LTBP1: variants seen among roughly 807,000 people sequenced by gnomAD.
LTBP1 encodes latent transforming growth factor beta binding protein 1, also known as latent-transforming growth factor beta-binding protein 1.
In LTBP1, 129 loss-of-function variants were observed where a neutral mutation model predicts 207.6. That is an observed-to-expected ratio of 0.62 (90% CI 0.54 to 0.72). The LOEUF (loss-of-function observed/expected upper bound fraction) is 0.72. Among genes scored for constraint, LTBP1 ranks in the 30% least tolerant of loss-of-function variants. The pLI is 0.00. For synonymous variants in LTBP1, 963 were observed against 833.7 expected, an observed-to-expected ratio of 1.16 and a Z score of -2.67; for missense variants, 2,281 against 2,217.2, an observed-to-expected ratio of 1.03 and a Z score of -0.58.
At chr2:32,963,533 C>T (rs1174467771) in intron 2 of LTBP1, among the ~76,000 whole-genome samples, 1 of 152,134 alleles carries the variant, frequency 6.6e-6, no homozygotes, top group Admixed American at 6.5e-5. Context: ...AATACACATT[C>T]TATACTGTAT....
rs149206532 is a variant in LTBP1 at position 33,268,925 on chromosome 2, A to T, written c.2618-4731A>T. On this transcript the variant is annotated intron_variant, in intron 15 of 33. Coordinates refer to ENST00000404816, the MANE Select transcript of LTBP1 (RefSeq NM_206943.4). ...CCTCTGTAATTATCATGGCCCAGAC[A>T]TTTAAAAAAACTATTTGCTCATCAG... 1.4e-3 allele frequency among the ~76,000 whole-genome samples: 209 copies of T among 152,324 alleles called. 2 individuals carry two copies. The highest frequency in any genetic ancestry group is 4.5e-3 in the African/African-American group (186 of 41,568).
At chr2:33,169,794 A>T (rs1289419752) in intron 5 of LTBP1, among the ~76,000 whole-genome samples, 2 of 152,234 alleles carry the variant, frequency 1.3e-5, no homozygotes, top group Non-Finnish European at 2.9e-5. Flanking sequence ...AAAAATCATT[A>T]ACATTCTAAG....
chr2:33,360,748 C>T lies in LTBP1; in HGVS notation c.4152C>T (p.Cys1384=), dbSNP rs771220380. The T allele has an allele frequency of 1.4e-5, 22 of 1,613,810 alleles. No homozygotes were observed. Among genetic ancestry groups the T allele is most frequent in the Admixed American group, 1.7e-5 (1 of 59,992 alleles). ...CTSGVGWGDN[C]EIFPCPVLGT... ...CAGGCGTGGGATGGGGAGATAACTG[C>T]GAAATCTTCCCCTGCCCGGTCTTGG... is the stretch of plus-strand genomic sequence containing the variant. Residue 1384 remains cysteine (C), a synonymous_variant, in exon 27 of 34, where the codon TGC becomes TGT. Transcript: ENST00000404816.
intron 5 of LTBP1, among the ~76,000 whole-genome samples, chr2:33,179,547 T>A (rs185361823): frequency 1.8e-3 from 277 of 152,254 alleles, no homozygotes; most frequent in African/African-American, 6.2e-3. Flanking sequence ...CTCTGTTGTG[T>A]CTTTTGCATG....
chr2:32,982,252 T>C (rs1309374872), intron 2 of LTBP1, among the ~76,000 whole-genome samples: 4 of 152,110 alleles, frequency 2.6e-5, no homozygotes, highest in African/African-American at 9.7e-5. Context: ...CTGGTGGCAT[T>C]TTGCTTTTGC....
chr2:33,368,079 T>C (rs2095017653), intron 31 of LTBP1, among the ~76,000 whole-genome samples: 1 of 152,012 alleles, frequency 6.6e-6, no homozygotes, highest in African/African-American at 2.4e-5. Context: ...TGGTGGCGCA[T>C]GCCTGTAATC....
rs147735416 is a variant in LTBP1 at position 32,992,702 on chromosome 2, C to A, written c.566-28207C>A. ...ATTCCAGGACATGTAAGGGAAGAAT[C>A]CAGCACTCTGCCTGGTACACAGCAG... is the stretch of plus-strand genomic sequence containing the variant. On this transcript the variant is annotated intron_variant, in intron 2 of 33. Coordinates refer to ENST00000404816, the MANE Select transcript of LTBP1 (RefSeq NM_206943.4). Among the ~76,000 whole-genome samples, 155 of 152,284 alleles carry A rather than the reference C, an allele frequency of 1.0e-3. 1 individual carries two copies. The highest frequency in any genetic ancestry group is 3.5e-3 in the African/African-American group (145 of 41,558).
intron 2 of LTBP1, among the ~76,000 whole-genome samples, chr2:32,982,540 C>G (rs1357380028): frequency 2.0e-5 from 3 of 152,130 alleles, no homozygotes; most frequent in Non-Finnish European, 4.4e-5. Context: ...GAAAATGTCT[C>G]CAGGACATGT....
chr2:33,141,187 G>A (rs2082621349), intron 5 of LTBP1, among the ~76,000 whole-genome samples: 1 of 152,162 alleles, frequency 6.6e-6, no homozygotes, highest in South Asian at 2.1e-4. Flanking sequence ...AAATAAACCA[G>A]TCACAAAAAA....
chr2:33,278,426 G>A (rs1291902924), intron 18 of LTBP1, among the ~76,000 whole-genome samples: 1 of 152,090 alleles, frequency 6.6e-6, no homozygotes, highest in East Asian at 1.9e-4. Context: ...AAACGTCCCC[G>A]GGCTTCTGGC....
Position 33,257,505 on chromosome 2 carries a change from C to G in LTBP1, c.2389C>G (p.Pro797Ala), listed in dbSNP as rs543594626. 25 of 1,613,748 alleles carry G rather than the reference C, an allele frequency of 1.5e-5. No individual in the cohort carries two copies. Among genetic ancestry groups the G allele is most frequent in the Non-Finnish European group, 2.1e-5 (25 of 1,179,682 alleles). Residue 797 changes from proline to alanine, a missense_variant, in exon 12 of 34, where the codon CCA (proline) becomes GCA (alanine). Pro to Ala is a conservative substitution (Grantham distance 27). Transcript: ENST00000404816. ...GGAACACGGGCCAGGAGTGGCGGAG[C>G]CAGAAGGTGAGAGCGGTAATGGATC... Reference protein sequence around the residue: ...SREHGPGVAEPEVATAPPEKE... With the variant: ...SREHGPGVAEAEVATAPPEKE...
rs151320735 is a variant in LTBP1, at chr2:33,233,358, G to C, written c.1877-10304G>C. ...TTTAAGACTGTTTTTCATTTCCAAG[G>C]TTTCTAATAAATTATTGTTCATAGC... is the stretch of plus-strand genomic sequence containing the variant. On this transcript the variant is annotated intron_variant, in intron 9 of 33. Transcript: ENST00000404816. 1.5e-3 allele frequency among the ~76,000 whole-genome samples: 227 copies of C among 151,892 alleles called. 1 individual carries two copies. The highest frequency in any genetic ancestry group is 5.1e-3 in the African/African-American group (211 of 41,452).
At chr2:32,978,666 A>ATTTTTTTT (rs375742867) in intron 2 of LTBP1, among the ~76,000 whole-genome samples, 1 of 115,678 alleles carries the variant, frequency 8.6e-6, no homozygotes, top group Non-Finnish European at 1.8e-5. Flanking sequence ...TTTTTTTTTA[A>ATTTTTTTT]TTTTTTTTTT....
chr2:33,196,650 ATAAATAAATGC>A (rs2088606976), intron 7 of LTBP1, among the ~76,000 whole-genome samples: 1 of 152,224 alleles, frequency 6.6e-6, no homozygotes. Context: ...TTTCTTCTAA[ATAAATAAATGC>A]TAAATAAATG....
intron 8 of LTBP1, among the ~76,000 whole-genome samples, chr2:33,220,699 A>G (rs530356622): frequency 3.9e-5 from 6 of 152,378 alleles, no homozygotes; most frequent in Admixed American, 3.3e-4. Flanking sequence ...ATTTGCAGCC[A>G]GAGATCCCAC....
chr2:32,999,094 G>A (rs1685719334), intron 2 of LTBP1, among the ~76,000 whole-genome samples: 1 of 152,152 alleles, frequency 6.6e-6, no homozygotes, highest in Non-Finnish European at 1.5e-5. Context: ...TGATTCTGTT[G>A]CTTCCTAAAG....
intron 27 of LTBP1, 149 bp downstream of exon 27, chr2:33,360,928 C>T (rs2094920710): frequency 1.6e-6 from 1 of 609,674 alleles, no homozygotes; most frequent in Non-Finnish European, 2.9e-6. Flanking sequence ...GCACCTGCAT[C>T]CCATCTTAAT....
At chr2:33,286,095 G>A (rs1284506594) in intron 19 of LTBP1, among the ~76,000 whole-genome samples, 1 of 152,110 alleles carries the variant, frequency 6.6e-6, no homozygotes, top group Non-Finnish European at 1.5e-5. Flanking sequence ...GCCTTTTGGG[G>A]GTTGTCTTGC....
intron 2 of LTBP1, among the ~76,000 whole-genome samples, chr2:32,991,288 A>G (rs1030813406): frequency 6.6e-6 from 1 of 152,226 alleles, no homozygotes; most frequent in African/African-American, 2.4e-5. Context: ...GAATTGGATT[A>G]ATCATACTTT....
Sources: gnomAD v4.1 joint callset for allele counts (sites outside exome capture counted in the v4.1 genomes callset) on GRCh38, gnomAD v4.1.1 for gene constraint, MANE v1.5 for transcripts, NCBI Gene and HGNC (gene_info 2026-07-23, HGNC 2026-07-21) for gene names.